Variants in CHRM2 observed in about 807,000 individuals in gnomAD.
CHRM2 encodes the protein cholinergic receptor muscarinic 2.
A neutral mutation model predicts 25.0 loss-of-function variants in CHRM2; 8 were observed. The ratio of observed to expected loss-of-function variants is 0.32; its 90% CI spans 0.19 to 0.58. The LOEUF (loss-of-function observed/expected upper bound fraction) is 0.58. Among genes scored for constraint, CHRM2 ranks in the 20% least tolerant of loss-of-function variants. The pLI, the probability that CHRM2 is intolerant of heterozygous loss-of-function variation, is 0.88. For missense variants in CHRM2, 440 were observed against 567.1 expected (o/e 0.78, Z 2.28); for synonymous variants, 202 against 205.7 (o/e 0.98, Z 0.15).
chr7:136,911,394 T>G (rs1476968751), intron 2 of CHRM2, among the ~76,000 whole-genome samples: 1 of 152,052 alleles, frequency 6.6e-6, no homozygotes, highest in South Asian at 2.1e-4. Flanking sequence ...TTAAATGCCA[T>G]TATGTTTCTC....
chr7:136,967,507 T>C (rs1020937736), intron 2 of CHRM2, among the ~76,000 whole-genome samples: 1 of 151,994 alleles, frequency 6.6e-6, no homozygotes, highest in African/African-American at 2.4e-5. Context: ...ACTAACCAAG[T>C]AGAGGAAAGT....
intron 2 of CHRM2, among the ~76,000 whole-genome samples, chr7:136,875,637 C>T (rs1418680769): frequency 2.0e-5 from 3 of 152,132 alleles, no homozygotes; most frequent in Non-Finnish European, 4.4e-5. Flanking sequence ...TTCTAAAATG[C>T]AAATCTGAAC....
chr7:136,878,761 C>T (rs1333308143), intron 2 of CHRM2, among the ~76,000 whole-genome samples: 2 of 151,888 alleles, frequency 1.3e-5, no homozygotes, highest in Non-Finnish European at 2.9e-5. Context: ...CACTAAACAA[C>T]TTATTCCAGG....
intron 2 of CHRM2, among the ~76,000 whole-genome samples, chr7:136,965,908 A>C (rs1400734924): frequency 2.6e-5 from 4 of 152,026 alleles, no homozygotes. Context: ...AAAAAAAAAG[A>C]AAGCCAAGAG....
chr7:136,885,250 T>C (rs1344230436), intron 2 of CHRM2, among the ~76,000 whole-genome samples: 1 of 152,198 alleles, frequency 6.6e-6, no homozygotes. Flanking sequence ...AATTTCCTCG[T>C]TTCCTGGTCT....
At chr7:136,900,840 A>T (rs1797162984) in intron 2 of CHRM2, among the ~76,000 whole-genome samples, 1 of 152,006 alleles carries the variant, frequency 6.6e-6, no homozygotes, top group South Asian at 2.1e-4. Context: ...GCCCCCAGAC[A>T]CAGAGAAGCA....
intron 2 of CHRM2, among the ~76,000 whole-genome samples, chr7:136,930,586 A>G (rs1799016512): frequency 5.9e-5 from 2 of 33,860 alleles, no homozygotes. Context: ...CAGTGCTTAT[A>G]CGATAGGAAA....
intron 2 of CHRM2, among the ~76,000 whole-genome samples, chr7:136,930,003 T>A (rs943845186): frequency 6.6e-6 from 1 of 152,048 alleles, no homozygotes; most frequent in Non-Finnish European, 1.5e-5. Context: ...TATGAATGGA[T>A]TGAATGTTTC....
intron 2 of CHRM2, among the ~76,000 whole-genome samples, chr7:136,985,772 T>C (rs571190855): frequency 6.6e-6 from 1 of 152,254 alleles, no homozygotes; most frequent in South Asian, 2.1e-4. Context: ...AGACGACCAA[T>C]ATTAAGGTAT....
intron 2 of CHRM2, among the ~76,000 whole-genome samples, chr7:136,967,737 T>C (rs554938681): frequency 6.6e-6 from 1 of 152,196 alleles, no homozygotes; most frequent in African/African-American, 2.4e-5. Flanking sequence ...TCTAGCCCTC[T>C]ACCTTTCTGT....
intron 2 of CHRM2, among the ~76,000 whole-genome samples, chr7:136,942,336 G>C (rs1799822541): frequency 2.6e-5 from 4 of 152,140 alleles, no homozygotes; most frequent in African/African-American, 9.7e-5. Context: ...ACTGGAGAAA[G>C]CAAGATTTTG....
At chr7:136,981,236 G>C (rs1802466020) in intron 2 of CHRM2, among the ~76,000 whole-genome samples, 1 of 152,180 alleles carries the variant, frequency 6.6e-6, no homozygotes, top group Non-Finnish European at 1.5e-5. Flanking sequence ...GCACAGAGGT[G>C]TTTATAGGAT....
chr7:136,993,820 A>G (rs1803390892), intron 3 of CHRM2, among the ~76,000 whole-genome samples: 1 of 152,228 alleles, frequency 6.6e-6, no homozygotes, highest in Non-Finnish European at 1.5e-5. Flanking sequence ...AATGCTTTCC[A>G]TACCTGATAA....
intron 2 of CHRM2, among the ~76,000 whole-genome samples, chr7:136,925,569 A>G (rs927335129): frequency 6.6e-6 from 1 of 152,080 alleles, no homozygotes; most frequent in African/African-American, 2.4e-5. Context: ...GAAGTCTACA[A>G]TAGAAAATAA....
At chr7:136,912,665 C>G (rs1410318630) in intron 2 of CHRM2, among the ~76,000 whole-genome samples, 2 of 151,848 alleles carry the variant, frequency 1.3e-5, no homozygotes, top group Non-Finnish European at 2.9e-5. Context: ...GTGGTAAAAA[C>G]CTTACCACCT....
chr7:136,929,980 T>A (rs1469823026), intron 2 of CHRM2, among the ~76,000 whole-genome samples: 2 of 152,050 alleles, frequency 1.3e-5, no homozygotes, highest in South Asian at 2.1e-4. Flanking sequence ...AGTCTGTTAG[T>A]CATCACATTA....
At chr7:136,960,247 C>A (rs1477315590) in intron 2 of CHRM2, among the ~76,000 whole-genome samples, 1 of 152,210 alleles carries the variant, frequency 6.6e-6, no homozygotes. Context: ...CCATCCACAT[C>A]ATCTATACAA....
At chr7:136,985,418 G>A (rs1802780430) in intron 2 of CHRM2, among the ~76,000 whole-genome samples, 1 of 145,558 alleles carries the variant, frequency 6.9e-6, no homozygotes. Context: ...GCTGCGGTAG[G>A]AGAATCGCTT....
In CHRM2 at chr7:136,970,788, T is replaced by C. The variant is rs150356259; in HGVS notation, c.-124-21399T>C. ...AGGCCATTTCTCTTTTCACCTCTCT[T>C]TTTGTAACTTTGCACAGTTAAACTC... On this transcript the variant is annotated intron_variant, in intron 2 of 3. Coordinates refer to ENST00000680005, the MANE Select transcript of CHRM2 (RefSeq NM_001006630.2). Among the ~76,000 whole-genome samples, 692 of 152,318 alleles carry C rather than the reference T, an allele frequency of 4.5e-3. 5 individuals are homozygous for C. Among genetic ancestry groups the C allele is most frequent in the Non-Finnish European group, 6.9e-3 (472 of 68,030 alleles).
Sources: gnomAD v4.1 joint callset for allele counts (sites outside exome capture counted in the v4.1 genomes callset) on GRCh38, gnomAD v4.1.1 for gene constraint, MANE v1.5 for transcripts, NCBI Gene and HGNC (gene_info 2026-07-23, HGNC 2026-07-21) for gene names.